ZDHHC14: variants seen among roughly 807,000 people sequenced by gnomAD.
ZDHHC14 encodes the protein palmitoyltransferase ZDHHC14.
ZDHHC14 carries 16 observed loss-of-function variants against 47.7 expected under a neutral mutation model. The ratio of observed to expected loss-of-function variants is 0.34; its 90% CI spans 0.23 to 0.51. The LOEUF (loss-of-function observed/expected upper bound fraction) is 0.51, where lower values mean the gene tolerates loss of function less well. Ranked by LOEUF, ZDHHC14 falls within the 20% of genes least tolerant of loss-of-function variation. The pLI, the probability that ZDHHC14 is intolerant of heterozygous loss-of-function variation, is 0.97. For missense variants in ZDHHC14, 515 were observed against 662.5 expected (o/e 0.78, Z 2.44); for synonymous variants, 293 against 278.9 (o/e 1.05, Z -0.50).
rs2115018905 is a variant in ZDHHC14, at chr6:157,673,020, C to T, written c.1365C>T (p.Ser455=). The change falls in exon 9 of 9, where the codon AGC becomes AGT. Residue 455 remains serine, a synonymous_variant. Transcript: ENST00000359775. This position sits in a 1 kb window ranked among gnomAD's most constrained non-coding sequence, Gnocchi z 5.4. ...PSPPRLLAAG[S]PLAHSRTMHV... ...CCCCCAGGCTACTGGCGGCGGGCAG[C>T]CCCCTGGCGCACAGCCGCACCATGC... The T allele has an allele frequency of 2.6e-6, 4 of 1,567,292 alleles. No individual in the cohort carries two copies. Among genetic ancestry groups the T allele is most frequent in the East Asian group, 2.4e-5 (1 of 42,416 alleles).
chr6:157,559,094 T>C (rs1782597519), intron 2 of ZDHHC14, among the ~76,000 whole-genome samples: 1 of 152,238 alleles, frequency 6.6e-6, no homozygotes, highest in African/African-American at 2.4e-5. Context: ...TCCATGATGA[T>C]AAATGGTTGT....
intron 2 of ZDHHC14, among the ~76,000 whole-genome samples, chr6:157,551,631 A>G (rs1782237925): frequency 6.6e-6 from 1 of 152,160 alleles, no homozygotes; most frequent in Non-Finnish European, 1.5e-5. Flanking sequence ...CCTGAATGTG[A>G]GAAGCACAGC....
intron 2 of ZDHHC14, among the ~76,000 whole-genome samples, chr6:157,546,383 C>A (rs1239720544): frequency 6.6e-6 from 1 of 151,872 alleles, no homozygotes; most frequent in East Asian, 1.9e-4. Flanking sequence ...TTATAGAAGC[C>A]CATAATGGCC....
At chr6:157,457,182 A>C (rs974204257) in intron 1 of ZDHHC14, among the ~76,000 whole-genome samples, 2 of 151,154 alleles carry the variant, frequency 1.3e-5, no homozygotes, top group African/African-American at 4.9e-5. Flanking sequence ...CTAAAAAAAA[A>C]AAAAAAAAAA....
At chr6:157,484,187 A>G (rs1283401198) in intron 1 of ZDHHC14, among the ~76,000 whole-genome samples, 3 of 151,058 alleles carry the variant, frequency 2.0e-5, no homozygotes, top group African/African-American at 7.3e-5. Flanking sequence ...AAAAATGCCT[A>G]TTGGGTACTA....
At chr6:157,655,990 C>T (rs1778071812) in intron 8 of ZDHHC14, among the ~76,000 whole-genome samples, 1 of 152,242 alleles carries the variant, frequency 6.6e-6, no homozygotes, top group East Asian at 1.9e-4. Flanking sequence ...CATAATTCAT[C>T]AATTCAGCAA....
At chr6:157,578,352 T>G (rs1783385335) in intron 2 of ZDHHC14, among the ~76,000 whole-genome samples, 1 of 152,226 alleles carries the variant, frequency 6.6e-6, no homozygotes, top group Admixed American at 6.5e-5. Context: ...TTAATCCATC[T>G]TAAGTTGATT....
At chr6:157,653,422 T>C in intron 7 of ZDHHC14, 103 bp from the exon 8 acceptor site, 3 of 1,198,906 alleles carry the variant, frequency 2.5e-6, no homozygotes, top group Non-Finnish European at 3.6e-6. Context: ...GAGGTGGGCC[T>C]GTCACGGGAA....
intron 3 of ZDHHC14, among the ~76,000 whole-genome samples, chr6:157,602,758 G>T (rs1460693198): frequency 6.6e-6 from 1 of 152,168 alleles, no homozygotes; most frequent in African/African-American, 2.4e-5. Context: ...CACCCGCCAT[G>T]AGGATGCTTC....
intron 4 of ZDHHC14, chr6:157,630,666 C>T (rs1191051222): frequency 1.3e-5 from 2 of 149,852 alleles, no homozygotes; most frequent in South Asian, 2.1e-4. Context: ...TCATACTAGC[C>T]ATACTCACAC....
chr6:157,506,063 A>G (rs1780319448), intron 1 of ZDHHC14, among the ~76,000 whole-genome samples: 1 of 152,228 alleles, frequency 6.6e-6, no homozygotes, highest in South Asian at 2.1e-4. Context: ...TCCGTGGGAA[A>G]ACACTGTAGC....
intron 1 of ZDHHC14, among the ~76,000 whole-genome samples, chr6:157,423,403 C>CT (rs527753480): frequency 6.6e-6 from 1 of 151,928 alleles, no homozygotes; most frequent in Non-Finnish European, 1.5e-5. Context: ...AAGACCTAGA[C>CT]TTTTTTTTCT....
chr6:157,383,591 C>T (rs1446146969), intron 1 of ZDHHC14, among the ~76,000 whole-genome samples: 2 of 152,180 alleles, frequency 1.3e-5, no homozygotes, highest in Non-Finnish European at 2.9e-5. Flanking sequence ...GGACACTGTG[C>T]GCTGATTAGC....
intron 1 of ZDHHC14, among the ~76,000 whole-genome samples, chr6:157,468,411 C>T (rs530349827): frequency 5.3e-5 from 8 of 152,176 alleles, no homozygotes; most frequent in African/African-American, 1.9e-4. Flanking sequence ...AGAGGACATG[C>T]TTACACAGCA....
chr6:157,487,044 A>G (rs1380336625), intron 1 of ZDHHC14, among the ~76,000 whole-genome samples: 1 of 152,256 alleles, frequency 6.6e-6, no homozygotes, highest in African/African-American at 2.4e-5. Flanking sequence ...TACTGGACAC[A>G]TAAGTAATAA....
chr6:157,568,326 A>G (rs1002682011), intron 2 of ZDHHC14, among the ~76,000 whole-genome samples: 1 of 152,222 alleles, frequency 6.6e-6, no homozygotes, highest in African/African-American at 2.4e-5. Context: ...GTACTTAATT[A>G]ATTCTACCAA....
chr6:157,632,769 T>C, intron 4 of ZDHHC14, 65 bp from the exon 5 acceptor site: 2 of 1,443,782 alleles, frequency 1.4e-6, no homozygotes, highest in African/African-American at 1.4e-5. Flanking sequence ...TTTTTGTAGA[T>C]GAGAGAGCAT....
chr6:157,658,184 A>G (rs1245488512), intron 8 of ZDHHC14, among the ~76,000 whole-genome samples: 2 of 152,162 alleles, frequency 1.3e-5, no homozygotes, highest in East Asian at 1.9e-4. Context: ...CATGAGGGAA[A>G]GAGCCCAGAA....
intron 1 of ZDHHC14, among the ~76,000 whole-genome samples, chr6:157,416,746 G>T (rs1057467205): frequency 6.9e-6 from 1 of 144,816 alleles, no homozygotes; most frequent in Non-Finnish European, 1.5e-5. Flanking sequence ...TATAGAGGCC[G>T]TTGAATGAAA....
Sources: gnomAD v4.1 joint callset for allele counts (sites outside exome capture counted in the v4.1 genomes callset) on GRCh38, gnomAD v4.1.1 for gene constraint, Gnocchi (gnomAD v3.1) non-coding constraint, MANE v1.5 for transcripts, NCBI Gene and HGNC (gene_info 2026-07-23, HGNC 2026-07-21) for gene names.